Variants in NR3C2 observed in about 807,000 individuals in gnomAD.
NR3C2 encodes mineralocorticoid receptor.
NR3C2 carries 15 observed loss-of-function variants against 86.4 expected under a neutral mutation model. That is an observed-to-expected ratio of 0.17 (90% CI 0.12 to 0.27). The LOEUF (loss-of-function observed/expected upper bound fraction) is 0.27, where lower values mean the gene tolerates loss of function less well. Ranked by LOEUF, NR3C2 falls within the 10% of genes least tolerant of loss-of-function variation. The pLI is 1.00. For missense variants in NR3C2, 960 were observed against 1,195.6 expected (o/e 0.80, Z 2.91); for synonymous variants, 458 against 450.5 (o/e 1.02, Z -0.21).
intron 3 of NR3C2, among the ~76,000 whole-genome samples, chr4:148,250,372 T>C (rs1158343352): frequency 3.3e-5 from 5 of 152,222 alleles, no homozygotes; most frequent in Admixed American, 6.5e-5. Flanking sequence ...TGTGGCTTTA[T>C]ATGGTGTCAT....
intron 2 of NR3C2, among the ~76,000 whole-genome samples, chr4:148,392,332 A>G (rs564656796): frequency 9.2e-5 from 14 of 152,378 alleles, no homozygotes; most frequent in African/African-American, 3.1e-4. Context: ...AAAAGATAAT[A>G]ATGTGCTTAC....
At position 148,103,704 on chromosome 4, in the gene NR3C2, T is replaced by TA. The variant is rs139357521; in HGVS notation, c.2799+10399dup. 3.2e-3 allele frequency among the ~76,000 whole-genome samples: 490 copies of TA among 152,308 alleles called. 2 individuals are homozygous for TA. Among genetic ancestry groups the TA allele is most frequent in the African/African-American group, 0.011 (466 of 41,562 alleles). On this transcript the variant is annotated intron_variant, in intron 8 of 8. Transcript: ENST00000358102. ...CAAACCCTAGGGGAGCTCCGAGAGA[T>TA]ACAACCATGGCCACTGATTGATGCT...
intron 6 of NR3C2, among the ~76,000 whole-genome samples, chr4:148,131,810 A>T (rs757152333): frequency 1.3e-5 from 2 of 152,222 alleles, no homozygotes; most frequent in Non-Finnish European, 2.9e-5. Flanking sequence ...TCAGTATTTT[A>T]TCACCTTAGT....
intron 1 of NR3C2, among the ~76,000 whole-genome samples, chr4:148,438,522 A>G (rs2126662913): frequency 6.6e-6 from 1 of 152,292 alleles, no homozygotes; most frequent in South Asian, 2.1e-4. Flanking sequence ...TGTTTCTGCC[A>G]TTCTATACAC....
intron 2 of NR3C2, among the ~76,000 whole-genome samples, chr4:148,376,023 T>A (rs1425741011): frequency 3.3e-5 from 5 of 151,980 alleles, no homozygotes. Flanking sequence ...TCAGTTCTCA[T>A]CCCACTTTTC....
intron 3 of NR3C2, among the ~76,000 whole-genome samples, chr4:148,212,811 G>A (rs1737344702): frequency 6.6e-6 from 1 of 152,206 alleles, no homozygotes. Flanking sequence ...GTTTTATTGT[G>A]TGGTTTTAGC....
intron 2 of NR3C2, among the ~76,000 whole-genome samples, chr4:148,291,960 C>T (rs1264640607): frequency 1.3e-5 from 2 of 152,078 alleles, no homozygotes; most frequent in Admixed American, 6.6e-5. Flanking sequence ...TGTTGAATAT[C>T]TCATGTAATT....
At chr4:148,159,040 C>A (rs928345031) in intron 4 of NR3C2, among the ~76,000 whole-genome samples, 7 of 152,110 alleles carry the variant, frequency 4.6e-5, no homozygotes, top group Non-Finnish European at 8.8e-5. Flanking sequence ...TTACTTAATT[C>A]ATTATATTTA....
chr4:148,202,163 T>C (rs1020059704), intron 3 of NR3C2, among the ~76,000 whole-genome samples: 3 of 152,190 alleles, frequency 2.0e-5, no homozygotes, highest in African/African-American at 4.8e-5. Flanking sequence ...ATACTGAACA[T>C]TGACATTTGC....
Position 148,134,308 on chromosome 4 carries a change from A to G in NR3C2, c.2511-14020T>C, listed in dbSNP as rs72651900. Among the ~76,000 whole-genome samples, 950 of 152,350 alleles carry G rather than the reference A, an allele frequency of 6.2e-3. 10 individuals are homozygous for G. The highest frequency in any genetic ancestry group is 0.022 in the African/African-American group (895 of 41,582). On this transcript the variant is annotated intron_variant, in intron 6 of 8. Coordinates refer to ENST00000358102, the MANE Select transcript of NR3C2 (RefSeq NM_000901.5). ...CCACCAGTGACATTCATTTCCCACA[A>G]AACATCAACACTGAAACATACACTA...
In NR3C2 at chr4:148,225,504, T is replaced by G. The variant is rs1167583935; in HGVS notation, c.1898-30642A>C. Among the ~76,000 whole-genome samples the G allele has an allele frequency of 2.0e-5, 3 of 152,258 alleles. No individual in the cohort carries two copies. The East Asian group carries it at 5.8e-4, about 29-fold the overall frequency. On this transcript the variant is annotated intron_variant, in intron 3 of 8. Transcript: ENST00000358102. Reference sequence around the variant, plus strand: ...GTTTATACATAACAATGTTATGAATTCTGTAGGAGTTTAATTTTTTCTTTC... The same window carrying G: ...GTTTATACATAACAATGTTATGAATGCTGTAGGAGTTTAATTTTTTCTTTC...
intron 2 of NR3C2, among the ~76,000 whole-genome samples, chr4:148,299,816 C>G (rs1411418881): frequency 2.0e-5 from 3 of 152,138 alleles, no homozygotes; most frequent in Non-Finnish European, 4.4e-5. Flanking sequence ...CTTGCACTTA[C>G]AGCTGTTTGT....
intron 1 of NR3C2, among the ~76,000 whole-genome samples, chr4:148,441,451 G>A (rs1195996521): frequency 6.6e-6 from 1 of 152,208 alleles, no homozygotes; most frequent in Non-Finnish European, 1.5e-5. Flanking sequence ...AAGCTCGTCT[G>A]CTATCAAAAG....
At chr4:148,289,980 T>C (rs958795726) in intron 2 of NR3C2, among the ~76,000 whole-genome samples, 1 of 152,118 alleles carries the variant, frequency 6.6e-6, no homozygotes, top group African/African-American at 2.4e-5. Context: ...AGGGAAGCCT[T>C]GAGTGACTTA....
At chr4:148,324,712 T>G (rs1743863527) in intron 2 of NR3C2, among the ~76,000 whole-genome samples, 1 of 152,212 alleles carries the variant, frequency 6.6e-6, no homozygotes, top group Admixed American at 6.5e-5. Context: ...GATTACCACA[T>G]GAGGTGATGG....
chr4:148,444,492 G>A, upstream of NR3C2: 3 of 985,836 alleles, frequency 3.0e-6, no homozygotes, highest in Non-Finnish European at 3.6e-6. Context: ...CCCTCTCGCC[G>A]CTGTCAGCGC....
At chr4:148,232,460 G>C (rs1738515824) in intron 3 of NR3C2, among the ~76,000 whole-genome samples, 1 of 152,176 alleles carries the variant, frequency 6.6e-6, no homozygotes. Flanking sequence ...CTTAACAGTG[G>C]ACTTAAAATA....
intron 2 of NR3C2, among the ~76,000 whole-genome samples, chr4:148,389,864 T>C (rs929066935): frequency 2.0e-5 from 3 of 152,118 alleles, no homozygotes; most frequent in African/African-American, 7.2e-5. Context: ...AAGAGAAACA[T>C]GAATTGTGAG....
At chr4:148,197,207 A>G (rs2149804701) in intron 3 of NR3C2, among the ~76,000 whole-genome samples, 1 of 152,344 alleles carries the variant, frequency 6.6e-6, no homozygotes, top group East Asian at 1.9e-4. Flanking sequence ...TTTGGAAATG[A>G]GAAGCAACAG....
Sources: allele counts gnomAD v4.1 joint callset (sites outside exome capture counted in the v4.1 genomes callset), GRCh38; gene constraint gnomAD v4.1.1; transcripts MANE v1.5; gene names NCBI Gene and HGNC (gene_info 2026-07-23, HGNC 2026-07-21).